CYBA: variants seen among roughly 807,000 people sequenced by gnomAD.
The protein encoded by CYBA is cytochrome b-245 light chain.
A neutral mutation model predicts 20.8 loss-of-function variants in CYBA; 21 were observed. The observed-to-expected ratio is 1.01, with a 90% CI of 0.72 to 1.46. CYBA has a LOEUF of 1.46. Ranked by LOEUF, CYBA falls within the 40% of genes most tolerant of loss-of-function variation. The pLI is 0.00. For missense variants in CYBA, 344 were observed against 287.0 expected, an observed-to-expected ratio of 1.20 and a Z score of -1.43; for synonymous variants, 164 against 127.5, an observed-to-expected ratio of 1.29 and a Z score of -1.93.
intron 2 of CYBA, among the ~76,000 whole-genome samples, chr16:88,647,436 G>A (rs958168100): frequency 6.6e-5 from 10 of 152,224 alleles, no homozygotes; most frequent in Admixed American, 1.3e-4. Context: ...CTACTCCAGA[G>A]GCTGAGGTAA....
At chr16:88,647,277 C>T (rs889216915) in intron 2 of CYBA, 102 bp from the exon 3 acceptor site, 9 of 1,149,678 alleles carry the variant, frequency 7.8e-6, no homozygotes, top group Non-Finnish European at 1.1e-5. Context: ...CACGGTGGCT[C>T]ATGCCTGGAA....
chr16:88,645,097 T>C (rs1907227911), intron 5 of CYBA: 1 of 689,868 alleles, frequency 1.4e-6, no homozygotes, highest in Non-Finnish European at 2.6e-6. Context: ...GTGCAGAGGC[T>C]GATGCCTGAC....
chr16:88,648,594 G>A (rs181793940), intron 1 of CYBA, among the ~76,000 whole-genome samples: 4 of 151,988 alleles, frequency 2.6e-5, no homozygotes, highest in Admixed American at 1.3e-4. Context: ...TTTTTGGGGG[G>A]GTATTGTCCA....
Position 88,643,504 on chromosome 16 carries a change from C to A in CYBA, c.437G>T (p.Gly146Val). Reference sequence around the variant, plus strand: ...GTTGCTGGGCGGCTGCTTGATGGTGCCTCCGATCTGCGGCCGCTCCCGGGG... The same window carrying A: ...GTTGCTGGGCGGCTGCTTGATGGTGACTCCGATCTGCGGCCGCTCCCGGGG... ...PKPRERPQIG[G>V]TIKQPPSNPP... is the part of the protein sequence containing the mutation. The change falls in exon 6 of 6, where the codon GGC becomes GTC. Residue 146 changes from glycine (G) to valine (V), a missense_variant. By Grantham distance (109) the Gly-to-Val change is moderately radical. Coordinates refer to ENST00000261623, the MANE Select transcript of CYBA (RefSeq NM_000101.4). The surrounding 1 kb of genome is among the most constrained non-coding windows in gnomAD (Gnocchi z 4.3). 1 of 1,534,586 alleles carries A rather than the reference C, an allele frequency of 6.5e-7. No homozygotes were observed. Among genetic ancestry groups the A allele is most frequent in the Non-Finnish European group, 8.7e-7 (1 of 1,146,184 alleles).
At chr16:88,650,206 C>T (rs1416636982) in intron 1 of CYBA, 1 of 367,046 alleles carries the variant, frequency 2.7e-6, no homozygotes, top group East Asian at 7.5e-5. Flanking sequence ...CCTGGAGCTG[C>T]TGCAGTGGTG....
intron 1 of CYBA, chr16:88,650,367 G>A (rs1907466212): frequency 4.4e-6 from 2 of 456,686 alleles, no homozygotes; most frequent in East Asian, 6.9e-5. Flanking sequence ...ACTGGGGGCT[G>A]TGCCATCCCA....
intron 1 of CYBA, chr16:88,650,638 AC>A (rs945090324): frequency 2.0e-5 from 11 of 551,576 alleles, no homozygotes; most frequent in Non-Finnish European, 3.4e-5. Flanking sequence ...CCCGGAAACC[AC>A]CGGGGCTGAA....
intron 5 of CYBA, chr16:88,645,210 C>T (rs1447502182): frequency 5.7e-6 from 4 of 702,346 alleles, no homozygotes; most frequent in South Asian, 1.5e-5. Flanking sequence ...TGCGGGTGGC[C>T]CCCGGAAAAC....
At chr16:88,645,363 G>A (rs1360104530) in intron 5 of CYBA, 8 of 702,298 alleles carry the variant, frequency 1.1e-5, no homozygotes, top group South Asian at 7.4e-5. Context: ...CCTTTCCCAC[G>A]CACACACACT....
intron 1 of CYBA, among the ~76,000 whole-genome samples, chr16:88,649,153 G>A (rs916953239): frequency 4.0e-5 from 6 of 150,940 alleles, no homozygotes; most frequent in East Asian, 2.0e-4. Context: ...TAGCCAGGAT[G>A]GTCTCGATCT....
chr16:88,645,889 TTAA>T, intron 5 of CYBA: 1 of 568,254 alleles, frequency 1.8e-6, no homozygotes, highest in South Asian at 2.2e-5. Context: ...GTGGTGCGGG[TTAA>T]TGAGGAAATG....
At chr16:88,649,218 T>TG (rs766257377) in intron 1 of CYBA, among the ~76,000 whole-genome samples, 43 of 152,344 alleles carry the variant, frequency 2.8e-4, no homozygotes, top group East Asian at 9.6e-4. Flanking sequence ...ATTACAGGTG[T>TG]AGCCACCTTG....
At chr16:88,646,707 G>A (rs1235157454) in intron 4 of CYBA, 48 bp downstream of exon 4, 2 of 1,541,488 alleles carry the variant, frequency 1.3e-6, no homozygotes, top group African/African-American at 1.4e-5. Context: ...GGGAGGGTCG[G>A]CTCCAAGCCC....
intron 1 of CYBA, among the ~76,000 whole-genome samples, chr16:88,649,472 C>T (rs538098643): frequency 3.9e-5 from 6 of 152,306 alleles, no homozygotes; most frequent in African/African-American, 1.4e-4. Context: ...GGTCTGAGGA[C>T]GTATTCTGGC....
At chr16:88,645,286 C>T in intron 5 of CYBA, 2 of 702,456 alleles carry the variant, frequency 2.8e-6, no homozygotes, top group Middle Eastern at 4.6e-4. Context: ...CTGCCGGTGG[C>T]AGGTCAGTGA....
chr16:88,649,223 A>G (rs1008427092), intron 1 of CYBA, among the ~76,000 whole-genome samples: 1 of 152,160 alleles, frequency 6.6e-6, no homozygotes, highest in Admixed American at 6.5e-5. Context: ...AGGTGTAGCC[A>G]CCTTGCCCTG....
At chr16:88,644,843 A>G in intron 5 of CYBA, 1 of 366,130 alleles carries the variant, frequency 2.7e-6, no homozygotes. Flanking sequence ...AAGAAGAAAA[A>G]GAAAAATACA....
chr16:88,648,520 C>A (rs1434275078), intron 1 of CYBA, among the ~76,000 whole-genome samples: 1 of 152,184 alleles, frequency 6.6e-6, no homozygotes, highest in Non-Finnish European at 1.5e-5. Context: ...ATACGGAGTT[C>A]CTCTTAACCC....
chr16:88,643,576 G>T lies in CYBA; in HGVS notation c.370-5C>A. 2 of 1,532,376 alleles carry T rather than the reference G, an allele frequency of 1.3e-6. No homozygotes were observed. The highest frequency in any genetic ancestry group is 1.7e-6 in the Non-Finnish European group (2 of 1,145,390). The allele number at this position is 1,532,376 out of a possible 1,614,324, so 94.9% of individuals were successfully genotyped here. On this transcript the variant is annotated splice_region_variant and splice_polypyrimidine_tract_variant and intron_variant, in intron 5 of 5. Transcript: ENST00000261623. The surrounding 1 kb of genome is among the most constrained non-coding windows in gnomAD (Gnocchi z 4.3). ...CTGCTCGCCACGCACAGCCGCCTGC[G>T]GGGCACTGAAGGGTTGAGCCGCGCC...
Sources: gnomAD v4.1 joint callset for allele counts (sites outside exome capture counted in the v4.1 genomes callset) on GRCh38, gnomAD v4.1.1 for gene constraint, Gnocchi (gnomAD v3.1) non-coding constraint, MANE v1.5 for transcripts, NCBI Gene and HGNC (gene_info 2026-07-23, HGNC 2026-07-21) for gene names.